The following VASN variants were observed in gnomAD, a reference collection of about 807,000 sequenced individuals.
The protein encoded by VASN is protein slit-like 2.
VASN carries 5 observed loss-of-function variants against 4.8 expected under a neutral mutation model. That is an observed-to-expected ratio of 1.03 (90% CI 0.54 to 2.17). The LOEUF is 2.17. Among genes scored for constraint, VASN ranks in the 30% most tolerant of loss-of-function variants. The pLI, the probability that VASN is intolerant of heterozygous loss-of-function variation, is 0.01. For synonymous variants in VASN, 499 were observed against 460.8 expected, an observed-to-expected ratio of 1.08 and a Z score of -1.06; for missense variants, 927 against 948.8, an observed-to-expected ratio of 0.98 and a Z score of 0.30.
Position 4,383,160 on chromosome 16 carries a change from A to G in VASN, c.*261A>G, listed in dbSNP as rs1353139873. On this transcript the variant is annotated 3_prime_UTR_variant, in exon 2 of 2. Transcript: ENST00000304735. ...GTCCGCCCTGCCCTCCGCAACGTGC[A>G]GTCCCTGGGCACGGCGGGCCCTGCC... 1.5e-5 allele frequency: 7 copies of G among 453,012 alleles called. No homozygotes were observed. The highest frequency in any genetic ancestry group is 2.8e-5 in the Non-Finnish European group (7 of 251,294). The allele number at this position is 453,012 out of a possible 1,614,324, so 28.1% of individuals were successfully genotyped here.
At chr16:4,380,758 C>T in intron 1 of VASN, 111 bp from the exon 2 acceptor site, 5 of 1,225,794 alleles carry the variant, frequency 4.1e-6, no homozygotes, top group Non-Finnish European at 5.5e-6. Context: ...CCATTGGGTT[C>T]TCTTGCATTT....
At chr16:4,373,399 A>T (rs1157917922) in intron 1 of VASN, among the ~76,000 whole-genome samples, 3 of 152,022 alleles carry the variant, frequency 2.0e-5, no homozygotes, top group Non-Finnish European at 2.9e-5. Flanking sequence ...CTGTCCTGCT[A>T]CCTGTGGGTC....
chr16:4,379,779 A>G (rs1421761527), intron 1 of VASN, among the ~76,000 whole-genome samples: 1 of 151,298 alleles, frequency 6.6e-6, no homozygotes, highest in East Asian at 2.0e-4. Flanking sequence ...ACGGTGGCTC[A>G]TGCCTGTAAT....
intron 1 of VASN, among the ~76,000 whole-genome samples, chr16:4,373,439 G>A (rs1485325648): frequency 6.6e-6 from 1 of 152,130 alleles, no homozygotes; most frequent in Admixed American, 6.5e-5. Flanking sequence ...GGGGCTGGGG[G>A]CTGGGGTCCC....
In VASN at chr16:4,381,292, A is replaced by C; in HGVS notation, c.415A>C (p.Ile139Leu). 6.2e-7 allele frequency: 1 copy of C among 1,612,436 alleles called. No homozygotes were observed. Among genetic ancestry groups the C allele is most frequent in the Non-Finnish European group, 8.5e-7 (1 of 1,179,808 alleles). The change falls in exon 2 of 2, where the codon ATC (isoleucine) becomes CTC (leucine). Residue 139 changes from isoleucine (I) to leucine (L), a missense_variant. Physicochemically the swap from Ile to Leu is conservative, Grantham distance 5. Transcript: ENST00000304735. ...CCTGGGCAAGAACCGCATCCGCCAC[A>C]TCCAGCCTGGTGCCTTCGACACGCT... Reference protein sequence around the residue: ...LYLGKNRIRHIQPGAFDTLDR... With the variant: ...LYLGKNRIRHLQPGAFDTLDR...
At position 4,382,608 on chromosome 16, in the gene VASN, C is replaced by G; in HGVS notation, c.1731C>G (p.Leu577=). ...TQAREGNLPL[L]IAPALAAVLL... is the part of the protein sequence containing the mutation. ...CCCGCGAGGGCAACCTGCCGCTCCT[C>G]ATTGCGCCCGCCCTGGCCGCGGTGC... The change falls in exon 2 of 2, where the codon CTC becomes CTG. Residue 577 remains leucine, a synonymous_variant. Transcript: ENST00000304735. 1 of 1,588,138 alleles carries G rather than the reference C, an allele frequency of 6.3e-7. No homozygotes were observed. The highest frequency in any genetic ancestry group is 1.1e-5 in the South Asian group (1 of 87,748).
At position 4,381,167 on chromosome 16, in the gene VASN, A is replaced by T. The variant is rs764007754; in HGVS notation, c.290A>T (p.Gln97Leu). 2.5e-6 allele frequency: 4 copies of T among 1,611,604 alleles called. No homozygotes were observed. The highest frequency in any genetic ancestry group is 2.2e-5 in the East Asian group (1 of 44,810). The part of the protein sequence containing the change: ...QIASLPSGVF[Q>L]PLANLSNLDL... ...GCCAGCCTGCCCAGCGGGGTCTTCC[A>T]GCCACTCGCCAACCTCAGCAACCTG... Residue 97 changes from glutamine (Q) to leucine (L), a missense_variant, in exon 2 of 2, where the codon CAG becomes CTG. Gln to Leu is a moderately radical substitution (Grantham distance 113, BLOSUM62 -2). Coordinates refer to ENST00000304735, the MANE Select transcript of VASN (RefSeq NM_138440.3).
chr16:4,377,106 C>T (rs1246505652), intron 1 of VASN, among the ~76,000 whole-genome samples: 2 of 152,134 alleles, frequency 1.3e-5, no homozygotes, highest in African/African-American at 4.8e-5. Context: ...ACCCTGTCGC[C>T]CTATGCCAGT....
intron 1 of VASN, among the ~76,000 whole-genome samples, chr16:4,374,209 G>A (rs1416508220): frequency 6.6e-6 from 1 of 151,990 alleles, no homozygotes; most frequent in South Asian, 2.1e-4. Context: ...GGGTGTTTGG[G>A]GGAGCCTGCT....
In VASN at chr16:4,382,466, C is replaced by G. The variant is rs970376450; in HGVS notation, c.1589C>G (p.Thr530Ser). ...GTCACCCAGCTGCGGCCCAACGCCA[C>G]TTACTCCGTCTGTGTCATGCCTTTG... ...YTVTQLRPNA[T>S]YSVCVMPLGP... The change falls in exon 2 of 2, where the codon ACT becomes AGT. Residue 530 changes from threonine to serine, a missense_variant. Coordinates refer to ENST00000304735, the MANE Select transcript of VASN (RefSeq NM_138440.3). 6.2e-7 allele frequency: 1 copy of G among 1,607,384 alleles called. No individual in the cohort carries two copies. The highest frequency in any genetic ancestry group is 8.5e-7 in the Non-Finnish European group (1 of 1,177,252).
At position 4,382,585 on chromosome 16, in the gene VASN, C is replaced by G; in HGVS notation, c.1708C>G (p.Arg570Gly). 6.3e-7 allele frequency: 1 copy of G among 1,587,434 alleles called. No individual in the cohort carries two copies. The highest frequency in any genetic ancestry group is 8.6e-7 in the Non-Finnish European group (1 of 1,169,206). ...HSNHAPVTQAREGNLPLLIAP... is the reference protein window; with the variant it reads ...HSNHAPVTQAGEGNLPLLIAP... ...CAACCACGCCCCAGTCACCCAGGCC[C>G]GCGAGGGCAACCTGCCGCTCCTCAT... The change falls in exon 2 of 2, where the codon CGC becomes GGC. Residue 570 changes from arginine (R) to glycine (G), a missense_variant. Physicochemically the swap from Arg to Gly is moderately radical, Grantham distance 125 (BLOSUM62 -2). Transcript: ENST00000304735.
At chr16:4,379,880 T>TA (rs34020450) in intron 1 of VASN, among the ~76,000 whole-genome samples, 68,734 of 108,944 alleles carry the variant, frequency 0.63, 22,748 homozygotes, top group East Asian at 0.78. Context: ...CTGTCTCTAC[T>TA]AAAAAAAAAA....
chr16:4,375,925 G>A (rs978687339), intron 1 of VASN, among the ~76,000 whole-genome samples: 2 of 152,198 alleles, frequency 1.3e-5, no homozygotes, highest in Non-Finnish European at 2.9e-5. Flanking sequence ...CCCAGAGAGG[G>A]GAGCTTGCTT....
chr16:4,380,201 C>T (rs1156337809), intron 1 of VASN, among the ~76,000 whole-genome samples: 10 of 152,302 alleles, frequency 6.6e-5, no homozygotes, highest in South Asian at 6.2e-4. Flanking sequence ...CTCAGCTCCC[C>T]GCCTCCCTCC....
At chr16:4,380,271 CCGGCCACTTCCTGG>C (rs1334926625) in intron 1 of VASN, among the ~76,000 whole-genome samples, 9 of 152,220 alleles carry the variant, frequency 5.9e-5, no homozygotes. Flanking sequence ...AACCTTCCCG[CCGGCCACTTCCTGG>C]CGGCCCGCAG....
rs773302020 is a variant in VASN, at chr16:4,381,427, C to G, written c.550C>G (p.Leu184Val). 1 of 1,581,434 alleles carries G rather than the reference C, an allele frequency of 6.3e-7. No homozygotes were observed. ...CCTCAGCCACAACAGCCTCCTGGCCCTGGAGCCCGGCATCCTGGACACTGC... is the reference window on the plus strand; with the variant it reads ...CCTCAGCCACAACAGCCTCCTGGCCGTGGAGCCCGGCATCCTGGACACTGC... The part of the protein sequence containing the change: ...LDLSHNSLLA[L>V]EPGILDTANV... The change falls in exon 2 of 2, where the codon CTG becomes GTG. Residue 184 changes from leucine to valine, a missense_variant. Leu to Val is a conservative substitution (Grantham distance 32, BLOSUM62 1). Transcript: ENST00000304735.
chr16:4,382,219 G>T lies in VASN; in HGVS notation c.1342G>T (p.Gly448Trp), dbSNP rs772171203. The part of the protein sequence containing the change: ...GLYCESQMGQ[G>W]TRPSPTPVTP... ...GTACTGTGAGAGCCAGATGGGGCAGGGGACACGGCCCAGCCCTACACCAGT... is the reference window on the plus strand; with the variant it reads ...GTACTGTGAGAGCCAGATGGGGCAGTGGACACGGCCCAGCCCTACACCAGT... The change falls in exon 2 of 2, where the codon GGG becomes TGG. Residue 448 changes from glycine (G) to tryptophan (W), a missense_variant. Coordinates refer to ENST00000304735, the MANE Select transcript of VASN (RefSeq NM_138440.3). The T allele has an allele frequency of 6.2e-7, 1 of 1,605,048 alleles. No homozygotes were observed. The highest frequency in any genetic ancestry group is 8.5e-7 in the Non-Finnish European group (1 of 1,177,584).
At chr16:4,378,673 C>G (rs2054840704) in intron 1 of VASN, among the ~76,000 whole-genome samples, 2 of 152,046 alleles carry the variant, frequency 1.3e-5, no homozygotes, top group African/African-American at 4.8e-5. Flanking sequence ...GTTTGGGGTG[C>G]TAACTTCTTC....
intron 1 of VASN, among the ~76,000 whole-genome samples, chr16:4,380,631 G>A (rs536894428): frequency 6.6e-6 from 1 of 152,280 alleles, no homozygotes; most frequent in East Asian, 1.9e-4. Context: ...GTCACTGCAC[G>A]TTCAGTGGAT....
Sources: allele counts gnomAD v4.1 joint callset (sites outside exome capture counted in the v4.1 genomes callset), GRCh38; gene constraint gnomAD v4.1.1; transcripts MANE v1.5; gene names NCBI Gene and HGNC (gene_info 2026-07-23, HGNC 2026-07-21).